AKAP6: variants seen among roughly 807,000 people sequenced by gnomAD.
AKAP6 encodes the protein A-kinase anchor protein 6.
In AKAP6, 58 loss-of-function variants were observed where a neutral mutation model predicts 188.5. The observed-to-expected ratio is 0.31, with a 90% CI of 0.25 to 0.38. The LOEUF (loss-of-function observed/expected upper bound fraction) is 0.38. Among genes scored for constraint, AKAP6 ranks in the 10% least tolerant of loss-of-function variants. The pLI, the probability that AKAP6 is intolerant of heterozygous loss-of-function variation, is 1.00. For missense variants in AKAP6, 2,710 were observed against 2,740.0 expected (o/e 0.99, Z 0.24); for synonymous variants, 989 against 998.6 (o/e 0.99, Z 0.18).
At chr14:32,547,037 G>A (rs1353813917) in intron 4 of AKAP6, 38 bp downstream of exon 4, 2 of 1,544,066 alleles carry the variant, frequency 1.3e-6, no homozygotes, top group East Asian at 2.3e-5. Context: ...TTTCTCACTT[G>A]AGTTTTGGAA....
At chr14:32,469,647 T>G (rs1413314629) in intron 2 of AKAP6, among the ~76,000 whole-genome samples, 3 of 152,062 alleles carry the variant, frequency 2.0e-5, no homozygotes, top group Non-Finnish European at 4.4e-5. Flanking sequence ...TTTCCCATTT[T>G]TCTTTGCCTC....
At chr14:32,399,800 A>G (rs1321891446) in intron 1 of AKAP6, among the ~76,000 whole-genome samples, 1 of 152,032 alleles carries the variant, frequency 6.6e-6, no homozygotes, top group East Asian at 1.9e-4. Context: ...TCCCTTTTAG[A>G]CTTATAATAA....
At chr14:32,452,529 A>G (rs1890976196) in intron 2 of AKAP6, among the ~76,000 whole-genome samples, 1 of 152,170 alleles carries the variant, frequency 6.6e-6, no homozygotes, top group African/African-American at 2.4e-5. Context: ...GCTTAGTCAG[A>G]CTGGGCACAG....
intron 11 of AKAP6, among the ~76,000 whole-genome samples, chr14:32,744,378 A>G (rs776094768): frequency 2.0e-5 from 3 of 151,876 alleles, no homozygotes; most frequent in Non-Finnish European, 4.4e-5. Context: ...GTGCAGTGGC[A>G]CAATCTCGGC....
intron 1 of AKAP6, among the ~76,000 whole-genome samples, chr14:32,349,382 T>A (rs945463428): frequency 6.6e-6 from 1 of 152,218 alleles, no homozygotes; most frequent in Admixed American, 6.5e-5. Flanking sequence ...TCTGCATAGA[T>A]GCTTGGAAAG....
intron 2 of AKAP6, among the ~76,000 whole-genome samples, chr14:32,524,597 G>T (rs1233036304): frequency 6.6e-6 from 1 of 152,124 alleles, no homozygotes; most frequent in Non-Finnish European, 1.5e-5. Context: ...ACCTGATGCT[G>T]CCCTAGAGAT....
At position 32,714,588 on chromosome 14, in the gene AKAP6, A is replaced by C. The variant is rs866804539; in HGVS notation, c.3001-17866A>C. ...TTTTTTTCAGTGGCAGATAACTTCC[A>C]TTGGATTCTCTGCAGTGTCTTTTGC... On this transcript the variant is annotated intron_variant, in intron 9 of 13. Coordinates refer to ENST00000280979, the MANE Select transcript of AKAP6 (RefSeq NM_004274.5). Among the ~76,000 whole-genome samples, 5 of 151,880 alleles carry C rather than the reference A, an allele frequency of 3.3e-5. 1 individual carries two copies. The South Asian group carries it at 1.0e-3, about 31-fold the overall frequency.
At chr14:32,507,681 T>C (rs1880949499) in intron 2 of AKAP6, among the ~76,000 whole-genome samples, 1 of 152,148 alleles carries the variant, frequency 6.6e-6, no homozygotes. Context: ...CAAGTGCTAT[T>C]GGAGATCAGC....
chr14:32,694,090 G>A (rs190988301), intron 8 of AKAP6, among the ~76,000 whole-genome samples: 104 of 151,972 alleles, frequency 6.8e-4, no homozygotes, highest in African/African-American at 2.4e-3. Flanking sequence ...GGCCAGGCGC[G>A]GTGGCTCATG....
At chr14:32,510,451 C>CACACAT (rs1555335176) in intron 2 of AKAP6, among the ~76,000 whole-genome samples, 1 of 35,826 alleles carries the variant, frequency 2.8e-5, no homozygotes, top group Non-Finnish European at 5.8e-5. Flanking sequence ...TATATATATA[C>CACACAT]ATATATATGT....
At chr14:32,643,813 C>T (rs1887867622) in intron 7 of AKAP6, among the ~76,000 whole-genome samples, 1 of 152,098 alleles carries the variant, frequency 6.6e-6, no homozygotes, top group Non-Finnish European at 1.5e-5. Context: ...ACTGTACTGA[C>T]CTTGATACTT....
At chr14:32,567,297 T>C (rs529955296) in intron 4 of AKAP6, among the ~76,000 whole-genome samples, 55 of 152,306 alleles carry the variant, frequency 3.6e-4, no homozygotes, top group African/African-American at 9.1e-4. Flanking sequence ...TCTAAGAGCC[T>C]TTTGAAAATT....
intron 2 of AKAP6, among the ~76,000 whole-genome samples, chr14:32,501,592 G>C (rs1880612614): frequency 6.6e-6 from 1 of 152,122 alleles, no homozygotes; most frequent in Admixed American, 6.6e-5. Flanking sequence ...AAAAAAAATA[G>C]GTTTGGCGAG....
chr14:32,459,896 C>T (rs1005742013), intron 2 of AKAP6, among the ~76,000 whole-genome samples: 4 of 151,574 alleles, frequency 2.6e-5, no homozygotes, highest in Non-Finnish European at 5.9e-5. Context: ...ATAGTTACTG[C>T]GGAATCTCCT....
Position 32,546,778 on chromosome 14 carries a change from G to A in AKAP6, c.2125G>A (p.Gly709Arg). ...ATCTAGTGACATAGCCTCTTCACTA[G>A]GGGAGAGCATTGAATCTGGGCCCCT... ...SSSSDIASSL[G>R]ESIESGPLSD... The change falls in exon 4 of 14, where the codon GGG becomes AGG. Residue 709 changes from glycine (G) to arginine (R), a missense_variant. Physicochemically the swap from Gly to Arg is moderately radical, Grantham distance 125 (BLOSUM62 -2). This residue lies in a region of AKAP6 where 2,473 missense variants were observed against 2,426.1 expected (regional missense o/e 1.02). Transcript: ENST00000280979. 1 of 1,614,116 alleles carries A rather than the reference G, an allele frequency of 6.2e-7. No individual in the cohort carries two copies. Among genetic ancestry groups the A allele is most frequent in the Non-Finnish European group, 8.5e-7 (1 of 1,180,022 alleles).
chr14:32,535,944 A>C, intron 3 of AKAP6, 139 bp downstream of exon 3: 10 of 1,266,652 alleles, frequency 7.9e-6, no homozygotes, highest in South Asian at 1.5e-5. Flanking sequence ...AGGCATAGTG[A>C]CTAGAAGCTA....
chr14:32,546,639 C>A lies in AKAP6; in HGVS notation c.1986C>A (p.Thr662=), dbSNP rs777295530. 3.7e-6 allele frequency: 6 copies of A among 1,614,016 alleles called. No homozygotes were observed. Among genetic ancestry groups the A allele is most frequent in the Middle Eastern group, 1.6e-4 (1 of 6,084 alleles). Residue 662 remains threonine (T), a synonymous_variant, in exon 4 of 14, where the codon ACC becomes ACA. Transcript: ENST00000280979. ...KLLPQKPRGE[T]IQNIDDWELS... is the part of the protein sequence containing the mutation. Reference sequence around the variant, plus strand: ...TGCCTCAGAAACCCAGAGGAGAAACCATCCAGAATATTGATGACTGGGAAC... The same window carrying A: ...TGCCTCAGAAACCCAGAGGAGAAACAATCCAGAATATTGATGACTGGGAAC...
intron 12 of AKAP6, among the ~76,000 whole-genome samples, chr14:32,794,305 A>G (rs563219264): frequency 1.1e-4 from 17 of 152,290 alleles, no homozygotes; most frequent in African/African-American, 4.1e-4. Context: ...TCACACCTGT[A>G]ATCCCAGCAT....
rs1487662420 is a variant in AKAP6, at chr14:32,832,240, T to A, written c.*2435T>A. On this transcript the variant is annotated 3_prime_UTR_variant, in exon 14 of 14. Transcript: ENST00000280979. ...ACAAGTATAGTGGCCCAGGATGTAG[T>A]GAAAGAACAAATCCTAGAGTCTTTG... The A allele has an allele frequency of 2.0e-5, 3 of 152,080 alleles. No homozygotes were observed. Among genetic ancestry groups the A allele is most frequent in the Non-Finnish European group, 4.4e-5 (3 of 68,018 alleles). The allele number at this position is 152,080 out of a possible 1,614,324, so 9.4% of individuals were successfully genotyped here.
Sources: gnomAD v4.1 joint callset for allele counts (sites outside exome capture counted in the v4.1 genomes callset) on GRCh38, gnomAD v4.1.1 for gene constraint, gnomAD v4.1.1 regional missense constraint, MANE v1.5 for transcripts, NCBI Gene and HGNC (gene_info 2026-07-23, HGNC 2026-07-21) for gene names.